Variants in SOX5 observed in about 807,000 individuals in gnomAD.
SOX5 encodes the protein SRY-box transcription factor 5, also known as transcription factor SOX-5.
SOX5 carries 9 observed loss-of-function variants against 92.0 expected under a neutral mutation model. The observed-to-expected ratio is 0.10, with a 90% CI of 0.06 to 0.17. The LOEUF (loss-of-function observed/expected upper bound fraction) is 0.17, where lower values mean the gene tolerates loss of function less well. Among genes scored for constraint, SOX5 ranks in the 10% least tolerant of loss-of-function variants. The pLI, the probability that SOX5 is intolerant of heterozygous loss-of-function variation, is 1.00. For synonymous variants in SOX5, 344 were observed against 336.3 expected, an observed-to-expected ratio of 1.02 and a Z score of -0.25; for missense variants, 642 against 944.5, an observed-to-expected ratio of 0.68 and a Z score of 4.20.
intron 1 of SOX5, among the ~76,000 whole-genome samples, chr12:23,928,931 T>C (rs117699123): frequency 0.012 from 1,834 of 151,994 alleles, 16 homozygotes; most frequent in Non-Finnish European, 0.019. Flanking sequence ...TCATTATCAA[T>C]TAGCTGTTGC....
chr12:24,325,177 A>G (rs1950561490), intron 2 of SOX5, among the ~76,000 whole-genome samples: 1 of 152,090 alleles, frequency 6.6e-6, no homozygotes, highest in South Asian at 2.1e-4. Flanking sequence ...CCTAAAAAAG[A>G]AAGAGCATTA....
At chr12:24,508,480 G>C (rs1259480645) in intron 1 of SOX5, among the ~76,000 whole-genome samples, 1 of 152,128 alleles carries the variant, frequency 6.6e-6, no homozygotes, top group African/African-American at 2.4e-5. Flanking sequence ...AAGGGGTTGG[G>C]GGTAAAGAAA....
intron 4 of SOX5, among the ~76,000 whole-genome samples, chr12:23,968,035 T>C (rs966235641): frequency 5.9e-5 from 9 of 152,182 alleles, no homozygotes; most frequent in Admixed American, 1.3e-4. Flanking sequence ...GTTTGCATCA[T>C]TCTCATTATA....
intron 1 of SOX5, among the ~76,000 whole-genome samples, chr12:24,401,410 C>T (rs1198174869): frequency 1.3e-5 from 2 of 150,940 alleles, no homozygotes; most frequent in African/African-American, 4.9e-5. Flanking sequence ...TGAACTATGT[C>T]CATTAAAAAT....
At chr12:24,112,823 A>G (rs900366020) in intron 4 of SOX5, among the ~76,000 whole-genome samples, 2 of 151,976 alleles carry the variant, frequency 1.3e-5, no homozygotes, top group African/African-American at 4.8e-5. Context: ...TCTAGGCATG[A>G]GCCACCATGA....
chr12:23,896,714 T>TAA (rs11306331), intron 1 of SOX5, among the ~76,000 whole-genome samples: 8 of 123,822 alleles, frequency 6.5e-5, no homozygotes, highest in South Asian at 2.4e-4. Context: ...TGCAAGGTAG[T>TAA]AAAAAAAAAA....
chr12:24,347,713 C>T (rs1349139044), intron 2 of SOX5, among the ~76,000 whole-genome samples: 1 of 152,100 alleles, frequency 6.6e-6, no homozygotes, highest in African/African-American at 2.4e-5. Context: ...CTTTGACAAA[C>T]TTTTAAATTC....
intron 1 of SOX5, among the ~76,000 whole-genome samples, chr12:23,944,522 A>G (rs1273713293): frequency 6.6e-6 from 1 of 152,172 alleles, no homozygotes; most frequent in African/African-American, 2.4e-5. Flanking sequence ...GTCAGAAAGA[A>G]TAAAAAGGTC....
At chr12:23,668,471 G>T (rs1454859724) in intron 6 of SOX5, among the ~76,000 whole-genome samples, 1 of 152,078 alleles carries the variant, frequency 6.6e-6, no homozygotes, top group South Asian at 2.1e-4. Context: ...GCCAACATTT[G>T]GGAGAAAAGG....
In SOX5 at chr12:23,614,971, T is replaced by G. The variant is rs188309263; in HGVS notation, c.1018-10438A>C. 1.7e-3 allele frequency among the ~76,000 whole-genome samples: 263 copies of G among 151,820 alleles called. 1 individual carries two copies. Among genetic ancestry groups the G allele is most frequent in the African/African-American group, 5.6e-3 (230 of 41,394 alleles). On this transcript the variant is annotated intron_variant, in intron 8 of 14. Coordinates refer to ENST00000451604, the MANE Select transcript of SOX5 (RefSeq NM_006940.6). ...CGTGTGCCACCGCGCCCAGCTAATT[T>G]TTTTGTATTTTTAGTGCAGACGGGG...
At chr12:23,617,185 T>C (rs938295323) in intron 8 of SOX5, among the ~76,000 whole-genome samples, 1 of 145,384 alleles carries the variant, frequency 6.9e-6, no homozygotes, top group Non-Finnish European at 1.5e-5. Flanking sequence ...AGGGGAAAAA[T>C]GTTACCAACT....
At chr12:23,695,465 T>C (rs2089645781) in intron 6 of SOX5, among the ~76,000 whole-genome samples, 1 of 152,198 alleles carries the variant, frequency 6.6e-6, no homozygotes, top group African/African-American at 2.4e-5. Context: ...TTGAGAAAAG[T>C]TTCTAATCCT....
At chr12:24,151,186 G>A (rs1951618897) in intron 4 of SOX5, among the ~76,000 whole-genome samples, 1 of 152,062 alleles carries the variant, frequency 6.6e-6, no homozygotes, top group South Asian at 2.1e-4. Context: ...TGGGAAAATC[G>A]GGATAATAAG....
chr12:24,032,317 C>A (rs899011828), intron 4 of SOX5, among the ~76,000 whole-genome samples: 1 of 151,744 alleles, frequency 6.6e-6, no homozygotes, highest in African/African-American at 2.4e-5. Context: ...ATACACCATT[C>A]TTATCTTAAA....
intron 6 of SOX5, among the ~76,000 whole-genome samples, chr12:23,716,905 T>C (rs952074592): frequency 1.3e-5 from 2 of 152,184 alleles, no homozygotes; most frequent in African/African-American, 4.8e-5. Context: ...TCTTCCCATG[T>C]GCCCTCTCTC....
intron 6 of SOX5, among the ~76,000 whole-genome samples, chr12:23,718,098 G>T (rs2092612875): frequency 6.6e-6 from 1 of 151,112 alleles, no homozygotes; most frequent in Non-Finnish European, 1.5e-5. Context: ...TTCTGCAAAG[G>T]AGTATATTTT....
In SOX5 at chr12:24,125,594, G is replaced by A. The variant is rs554736403; in HGVS notation, c.-2+87749C>T. ...TGAGTAGCAGTAAAAGGAAAACTTA[G>A]GGAATACTGAGAAATCGTCTCTATG... On this transcript the variant is annotated intron_variant, in intron 4 of 4. Transcript: ENST00000446891. Among the ~76,000 whole-genome samples, 32 of 152,214 alleles carry A rather than the reference G, an allele frequency of 2.1e-4. No homozygotes were observed. In the South Asian group the frequency reaches 6.6e-3, roughly 32 times the overall value.
rs1488760502 is a variant in SOX5 at position 24,307,615 on chromosome 12, C to T, written c.-173-30303G>A. 8.8e-5 allele frequency among the ~76,000 whole-genome samples: 6 copies of T among 68,156 alleles called. 3 individuals carry two copies. Among genetic ancestry groups the T allele is most frequent in the Non-Finnish European group, 2.1e-4 (6 of 29,100 alleles). The allele number at this position is 68,156 out of a possible 152,430, so 44.7% of individuals were successfully genotyped here. Reference sequence around the variant, plus strand: ...CCCATTTGGCCCTCTTCCAAGTGTACTTTACTTGGTTTCATTCCTGCTCTA... The same window carrying T: ...CCCATTTGGCCCTCTTCCAAGTGTATTTTACTTGGTTTCATTCCTGCTCTA... On this transcript the variant is annotated intron_variant, in intron 2 of 4. Coordinates refer to the SOX5 transcript ENST00000446891.
chr12:23,800,556 TAA>T (rs140750276), intron 3 of SOX5, among the ~76,000 whole-genome samples: 2 of 148,922 alleles, frequency 1.3e-5, no homozygotes, highest in African/African-American at 4.9e-5. Context: ...CTTTAAAATT[TAA>T]AAAAAAAACA....
Sources: allele counts gnomAD v4.1 joint callset (sites outside exome capture counted in the v4.1 genomes callset), GRCh38; gene constraint gnomAD v4.1.1; transcripts MANE v1.5; gene names NCBI Gene and HGNC (gene_info 2026-07-23, HGNC 2026-07-21).